TANGO2: variants seen among roughly 807,000 people sequenced by gnomAD.
The protein encoded by TANGO2 is transport and Golgi organization protein 2 homolog.
Under a neutral mutation model 39.1 loss-of-function variants are expected in TANGO2, and 26 were observed. The observed-to-expected ratio is 0.67, with a 90% CI of 0.49 to 0.92. The LOEUF is 0.92. Among genes scored for constraint, TANGO2 ranks in the 40% least tolerant of loss-of-function variants. TANGO2 has a pLI of 0.00. For synonymous variants in TANGO2, 131 were observed against 144.5 expected (o/e 0.91, Z 0.67); for missense variants, 326 against 360.1 (o/e 0.91, Z 0.77).
At chr22:20,062,794 G>A (rs946541351) in intron 7 of TANGO2, among the ~76,000 whole-genome samples, 5 of 152,238 alleles carry the variant, frequency 3.3e-5, no homozygotes, top group Admixed American at 2.0e-4. Flanking sequence ...CATAAGTTAA[G>A]GGTAGATGGA....
At chr22:20,061,822 T>C (rs1036969348) in intron 7 of TANGO2, 139 bp downstream of exon 7, 2 of 1,052,634 alleles carry the variant, frequency 1.9e-6, no homozygotes, top group Non-Finnish European at 2.7e-6. Flanking sequence ...ATGGATATCC[T>C]GTCCTCCCTG....
At chr22:20,046,592 G>A (rs989872608) in intron 3 of TANGO2, among the ~76,000 whole-genome samples, 2 of 151,660 alleles carry the variant, frequency 1.3e-5, no homozygotes, top group East Asian at 1.9e-4. Flanking sequence ...AGCCTCCTGA[G>A]TAGCTGGGAT....
chr22:20,020,873 C>A (rs1054576306), upstream of TANGO2, among the ~76,000 whole-genome samples: 2 of 152,126 alleles, frequency 1.3e-5, no homozygotes, highest in African/African-American at 2.4e-5. Context: ...CCGCGGAGTC[C>A]CCGAAGGCCG....
intron 3 of TANGO2, among the ~76,000 whole-genome samples, chr22:20,046,460 A>ATTTT (rs695718): frequency 2.0e-5 from 2 of 98,552 alleles, no homozygotes; most frequent in African/African-American, 8.5e-5. Flanking sequence ...AGGCTGGGTA[A>ATTTT]TTTTTTTTTT....
intron 1 of TANGO2, among the ~76,000 whole-genome samples, chr22:20,027,756 T>TGTCA (rs2041061073): frequency 6.6e-6 from 1 of 151,370 alleles, no homozygotes; most frequent in Non-Finnish European, 1.5e-5. Context: ...TACAGATGCA[T>TGTCA]GTCACCATGC....
chr22:20,026,052 A>G (rs915181895), intron 1 of TANGO2, among the ~76,000 whole-genome samples: 7 of 152,226 alleles, frequency 4.6e-5, no homozygotes, highest in African/African-American at 1.7e-4. Context: ...TTTGGGAAGC[A>G]TGGGTGGTCC....
chr22:20,056,054 T>C, intron 6 of TANGO2, 41 bp downstream of exon 6: 1 of 1,515,666 alleles, frequency 6.6e-7, no homozygotes, highest in East Asian at 2.3e-5. Context: ...GGGGACTGTT[T>C]CTATGCAGAG....
chr22:20,045,196 G>A (rs1331451861), intron 3 of TANGO2, among the ~76,000 whole-genome samples: 1 of 151,736 alleles, frequency 6.6e-6, no homozygotes, highest in African/African-American at 2.4e-5. Flanking sequence ...AGCACTTTGG[G>A]AGTCCAAGGC....
At chr22:20,038,941 A>T (rs1415283043) in intron 2 of TANGO2, among the ~76,000 whole-genome samples, 10 of 147,856 alleles carry the variant, frequency 6.8e-5, no homozygotes, top group Admixed American at 2.0e-4. Context: ...TTTTTTTATT[A>T]TTATTATTAT....
chr22:20,044,594 G>T lies in TANGO2; in HGVS notation c.145+1151G>T, dbSNP rs141177460. Among the ~76,000 whole-genome samples, 1,037 of 152,262 alleles carry T rather than the reference G, an allele frequency of 6.8e-3. 6 individuals are homozygous for T. The highest frequency in any genetic ancestry group is 0.013 in the South Asian group (63 of 4,820). ...GGGTTTTGTGAGGACTCCTGTGTAG[G>T]CCTGTGGCCTGGCAGTAGTGTGAGA... On this transcript the variant is annotated intron_variant, in intron 3 of 8. Coordinates refer to ENST00000327374, the MANE Select transcript of TANGO2 (RefSeq NM_152906.7).
chr22:20,059,181 C>T (rs1035606746), intron 6 of TANGO2, among the ~76,000 whole-genome samples: 10 of 152,186 alleles, frequency 6.6e-5, no homozygotes, highest in African/African-American at 2.4e-4. Context: ...GGGAGTTTAT[C>T]AAGACTGTGG....
chr22:20,063,182 A>G (rs1025835750), intron 7 of TANGO2, 156 bp from the exon 8 acceptor site: 9 of 598,448 alleles, frequency 1.5e-5, no homozygotes, highest in African/African-American at 1.5e-4. Flanking sequence ...GAGAAAAGAG[A>G]AGAGAAGAGG....
chr22:20,047,641 C>G (rs2045495225), intron 3 of TANGO2, among the ~76,000 whole-genome samples: 1 of 152,170 alleles, frequency 6.6e-6, no homozygotes, highest in Non-Finnish European at 1.5e-5. Flanking sequence ...CTCTTCTCAG[C>G]TCAGGGAGTC....
intron 6 of TANGO2, chr22:20,056,317 A>G (rs749006066): frequency 3.5e-5 from 21 of 607,004 alleles, no homozygotes; most frequent in Middle Eastern, 5.2e-4. Context: ...GTGCCGTCCC[A>G]GTGTGCCCTG....
chr22:20,022,786 G>A (rs2039965368), intron 1 of TANGO2, among the ~76,000 whole-genome samples: 1 of 152,260 alleles, frequency 6.6e-6, no homozygotes, highest in African/African-American at 2.4e-5. Flanking sequence ...GGCTTCTCAG[G>A]GACCCCAGAA....
At chr22:20,026,180 A>G (rs752502573) in intron 1 of TANGO2, among the ~76,000 whole-genome samples, 6 of 152,206 alleles carry the variant, frequency 3.9e-5, no homozygotes, top group Non-Finnish European at 7.3e-5. Context: ...CGGGGGGATC[A>G]TGAGGTCAGG....
Position 20,052,517 on chromosome 22 carries a change from A to G in TANGO2, c.198A>G (p.Thr66=), listed in dbSNP as rs1322112288. The change falls in exon 4 of 9, where the codon ACA becomes ACG. Residue 66 remains threonine, a synonymous_variant. Transcript: ENST00000327374. ...GAGGCACATGGCTGGGCATCAGCAC[A>G]CGTGGCAAGCTGGCAGCACTCACCA... is the stretch of plus-strand genomic sequence containing the variant. ...KEGGTWLGIS[T]RGKLAALTNY... is the part of the protein sequence containing the mutation. 6.2e-7 allele frequency: 1 copy of G among 1,606,918 alleles called. No homozygotes were observed.
intron 1 of TANGO2, among the ~76,000 whole-genome samples, chr22:20,026,405 A>G (rs1236282088): frequency 6.6e-6 from 1 of 152,200 alleles, no homozygotes; most frequent in African/African-American, 2.4e-5. Context: ...CTCAAAAAAA[A>G]AAAAAAAGAG....
At chr22:20,024,094 G>A (rs2040263588) in intron 1 of TANGO2, among the ~76,000 whole-genome samples, 1 of 152,180 alleles carries the variant, frequency 6.6e-6, no homozygotes, top group Admixed American at 6.5e-5. Flanking sequence ...GGCTGAGGCA[G>A]GAGAATTGCT....
Sources: allele counts gnomAD v4.1 joint callset (sites outside exome capture counted in the v4.1 genomes callset), GRCh38; gene constraint gnomAD v4.1.1; transcripts MANE v1.5; gene names NCBI Gene and HGNC (gene_info 2026-07-23, HGNC 2026-07-21).